The following COL4A2 variants were observed in gnomAD, a reference collection of about 807,000 sequenced individuals.
The protein encoded by COL4A2 is collagen type IV alpha 2 chain.
A neutral mutation model predicts 200.2 loss-of-function variants in COL4A2; 99 were observed. The observed-to-expected ratio is 0.49, with a 90% CI of 0.42 to 0.58. The LOEUF (loss-of-function observed/expected upper bound fraction) is 0.58, where lower values mean the gene tolerates loss of function less well. Among genes scored for constraint, COL4A2 ranks in the 20% least tolerant of loss-of-function variants. COL4A2 has a pLI of 0.00. For missense variants in COL4A2, 1,950 were observed against 2,314.1 expected (o/e 0.84, Z 3.23); for synonymous variants, 897 against 900.6 (o/e 1.00, Z 0.07).
chr13:110,461,429 A>G (rs1233448139), intron 22 of COL4A2, among the ~76,000 whole-genome samples: 7 of 152,276 alleles, frequency 4.6e-5, no homozygotes, highest in Non-Finnish European at 8.8e-5. Context: ...ACCATTGGGC[A>G]GAGCCCAGGG....
At chr13:110,499,303 A>G (rs1384925646) in intron 40 of COL4A2, among the ~76,000 whole-genome samples, 1 of 152,244 alleles carries the variant, frequency 6.6e-6, no homozygotes, top group African/African-American at 2.4e-5. Flanking sequence ...GGCCTCAGGA[A>G]ACTTACAATC....
In COL4A2 at chr13:110,308,069, G is replaced by T; in HGVS notation, c.45G>T (p.Arg15=). The T allele has an allele frequency of 6.2e-7, 1 of 1,613,832 alleles. No homozygotes were observed. Among genetic ancestry groups the T allele is most frequent in the South Asian group, 1.1e-5 (1 of 91,088 alleles). The change falls in exon 3 of 48, where the codon CGG becomes CGT. Residue 15 remains arginine (R), a splice_region_variant and synonymous_variant. Coordinates refer to ENST00000360467, the MANE Select transcript of COL4A2 (RefSeq NM_001846.4). ...QRAVAGPALR[R]WLLLGTVTVG... ...CTCTCTTCCTCCCTTTCCCATGCAG[G>T]TGGCTGCTGCTGGGGACAGTGACCG...
intron 4 of COL4A2, among the ~76,000 whole-genome samples, chr13:110,391,384 T>C (rs1476063682): frequency 6.6e-5 from 10 of 152,326 alleles, no homozygotes; most frequent in Non-Finnish European, 1.2e-4. Context: ...GACTTGGTCA[T>C]TTGTGAGGAG....
intron 29 of COL4A2, among the ~76,000 whole-genome samples, chr13:110,474,398 T>C (rs1262301130): frequency 6.6e-6 from 1 of 152,160 alleles, no homozygotes. Flanking sequence ...GTGAGATTCC[T>C]AGCAAGGCCT....
chr13:110,347,997 G>A (rs563366592), intron 3 of COL4A2, among the ~76,000 whole-genome samples: 7 of 152,330 alleles, frequency 4.6e-5, no homozygotes, highest in East Asian at 3.9e-4. Context: ...CTGGGAGACC[G>A]TAAAGGATTG....
At chr13:110,397,122 T>A (rs1450901633) in intron 4 of COL4A2, among the ~76,000 whole-genome samples, 2 of 152,248 alleles carry the variant, frequency 1.3e-5, no homozygotes, top group African/African-American at 4.8e-5. Context: ...TAATATCACA[T>A]GACCGTCGGA....
At chr13:110,364,713 G>A (rs186689519) in intron 4 of COL4A2, among the ~76,000 whole-genome samples, 154 of 152,076 alleles carry the variant, frequency 1.0e-3, no homozygotes, top group African/African-American at 3.5e-3. Context: ...TTTTCATCTA[G>A]GATTTACTAT....
chr13:110,344,151 T>C lies in COL4A2; in HGVS notation c.100-13321T>C, dbSNP rs563859172. 3.3e-5 allele frequency among the ~76,000 whole-genome samples: 5 copies of C among 152,352 alleles called. No individual in the cohort carries two copies. The South Asian group carries it at 1.0e-3, about 32-fold the overall frequency. ...AATATGTAAGGGTATTTATTCTAAA[T>C]GTAACATGTGAAACTCTTCACTGCA... On this transcript the variant is annotated intron_variant, in intron 3 of 47. Coordinates refer to ENST00000360467, the MANE Select transcript of COL4A2 (RefSeq NM_001846.4).
intron 4 of COL4A2, among the ~76,000 whole-genome samples, chr13:110,422,697 T>G (rs1880301891): frequency 6.6e-6 from 1 of 152,180 alleles, no homozygotes; most frequent in Non-Finnish European, 1.5e-5. Flanking sequence ...GGATACATCA[T>G]CTTCCATCCA....
At chr13:110,343,068 C>T (rs1348862476) in intron 3 of COL4A2, among the ~76,000 whole-genome samples, 3 of 152,166 alleles carry the variant, frequency 2.0e-5, no homozygotes, top group Non-Finnish European at 4.4e-5. Flanking sequence ...CAGAGGTTAG[C>T]GTCCAAAACT....
At chr13:110,349,253 G>A (rs539239208) in intron 3 of COL4A2, among the ~76,000 whole-genome samples, 16 of 152,330 alleles carry the variant, frequency 1.1e-4, no homozygotes, top group African/African-American at 3.6e-4. Flanking sequence ...AATCTGCCAT[G>A]GAGAGAAGTG....
chr13:110,469,166 C>G lies in COL4A2; in HGVS notation c.2096-51C>G, dbSNP rs372944570. The stretch of plus-strand genomic sequence containing the variant: ...GTCAGATGCCAAGCATGACCATGCC[C>G]ATTTATCCTCGTGGAGCCTGATGTG... On this transcript the variant is annotated intron_variant, in intron 27 of 47. Coordinates refer to ENST00000360467, the MANE Select transcript of COL4A2 (RefSeq NM_001846.4). 48 of 1,546,182 alleles carry G rather than the reference C, an allele frequency of 3.1e-5. No individual in the cohort carries two copies. In the African/African-American group the frequency reaches 6.6e-4, roughly 21 times the overall value.
At chr13:110,501,105 T>C (rs777907422) in intron 40 of COL4A2, among the ~76,000 whole-genome samples, 4 of 152,104 alleles carry the variant, frequency 2.6e-5, no homozygotes, top group Admixed American at 1.3e-4. Flanking sequence ...CAGTGTTGAT[T>C]TGGGGGGGAT....
rs374846915 is a variant in COL4A2 at position 110,509,245 on chromosome 13, TTATA to T, written c.4881+1047_4881+1050del. 4.0e-4 allele frequency among the ~76,000 whole-genome samples: 29 copies of T among 72,004 alleles called. 1 individual carries two copies. In the South Asian group the frequency reaches 5.1e-3, roughly 13 times the overall value. 47.2% of individuals were successfully genotyped at this position (72,004 alleles called of 152,430 possible). On this transcript the variant is annotated intron_variant, in intron 47 of 47. Coordinates refer to ENST00000360467, the MANE Select transcript of COL4A2 (RefSeq NM_001846.4). ...CCCAGCATGTTAAATATTTCATAAA[TTATA>T]TATATATATATATATATATATACAC...
intron 34 of COL4A2, among the ~76,000 whole-genome samples, chr13:110,488,516 C>T (rs1883180819): frequency 6.6e-6 from 1 of 152,204 alleles, no homozygotes; most frequent in South Asian, 2.1e-4. Context: ...AATTTCCTTA[C>T]CAGCCACCTG....
intron 4 of COL4A2, among the ~76,000 whole-genome samples, chr13:110,397,028 G>A (rs1319391872): frequency 2.6e-5 from 4 of 152,186 alleles, no homozygotes; most frequent in Non-Finnish European, 5.9e-5. Context: ...ACTAATAGGA[G>A]TTTATTCACA....
At chr13:110,400,569 G>C (rs1879336638) in intron 4 of COL4A2, among the ~76,000 whole-genome samples, 1 of 151,976 alleles carries the variant, frequency 6.6e-6, no homozygotes, top group Non-Finnish European at 1.5e-5. Flanking sequence ...TGTTTATATA[G>C]AGAACCAAAA....
intron 3 of COL4A2, among the ~76,000 whole-genome samples, chr13:110,344,174 G>A (rs945419357): frequency 1.3e-5 from 2 of 152,144 alleles, no homozygotes; most frequent in African/African-American, 4.8e-5. Context: ...ACTCTTCACT[G>A]CATGTGTACC....
At chr13:110,487,752 T>C (rs983256073) in intron 34 of COL4A2, among the ~76,000 whole-genome samples, 2 of 152,190 alleles carry the variant, frequency 1.3e-5, no homozygotes, top group African/African-American at 2.4e-5. Flanking sequence ...GTTTCATCGA[T>C]GTGAAGTTCA....
Sources: gnomAD v4.1 joint callset for allele counts (sites outside exome capture counted in the v4.1 genomes callset) on GRCh38, gnomAD v4.1.1 for gene constraint, MANE v1.5 for transcripts, NCBI Gene and HGNC (gene_info 2026-07-23, HGNC 2026-07-21) for gene names.